Variants in TPRG1 observed in about 807,000 individuals in gnomAD.
TPRG1 encodes the protein tumor protein p63-regulated gene 1 protein.
TPRG1 carries 29 observed loss-of-function variants against 29.3 expected under a neutral mutation model. That is an observed-to-expected ratio of 0.99 (90% CI 0.74 to 1.35). The LOEUF is 1.35. TPRG1 is among the 40% of genes most tolerant of loss of function. The pLI is 0.00. For synonymous variants in TPRG1, 130 were observed against 116.8 expected, an observed-to-expected ratio of 1.11 and a Z score of -0.73; for missense variants, 327 against 335.0, an observed-to-expected ratio of 0.98 and a Z score of 0.19.
At chr3:189,061,311 A>C (rs1277120909) in intron 4 of TPRG1, among the ~76,000 whole-genome samples, 1 of 152,234 alleles carries the variant, frequency 6.6e-6, no homozygotes, top group Non-Finnish European at 1.5e-5. Context: ...TTAAAGACTT[A>C]AATGTAAAAC....
intron 1 of TPRG1, among the ~76,000 whole-genome samples, chr3:189,178,036 G>A (rs1293065322): frequency 6.6e-6 from 1 of 152,208 alleles, no homozygotes; most frequent in East Asian, 1.9e-4. Flanking sequence ...CTGAGAGGTG[G>A]AGTTGGATGA....
intron 4 of TPRG1, among the ~76,000 whole-genome samples, chr3:189,280,288 GATATATATAAATGAATGGAATA>G (rs201453855): frequency 0.049 from 4,891 of 98,812 alleles, 289 homozygotes; most frequent in African/African-American, 0.23. Flanking sequence ...TAAATGAATG[GATATATATAAATGAATGGAATA>G]ATATATATAA....
intron 4 of TPRG1, among the ~76,000 whole-genome samples, chr3:189,095,101 A>G (rs1024348707): frequency 6.6e-6 from 1 of 152,186 alleles, no homozygotes; most frequent in African/African-American, 2.4e-5. Context: ...GGGAGATGAC[A>G]GAGAGGTTGT....
chr3:189,246,611 T>C (rs913987393), intron 4 of TPRG1, among the ~76,000 whole-genome samples: 6 of 152,188 alleles, frequency 3.9e-5, no homozygotes. Context: ...AAGATTCATT[T>C]CCCTTTAATG....
chr3:189,053,356 A>G (rs952191977), intron 4 of TPRG1, among the ~76,000 whole-genome samples: 2 of 152,216 alleles, frequency 1.3e-5, no homozygotes, highest in Non-Finnish European at 2.9e-5. Context: ...TTGAGGAAAC[A>G]TAGAAATTGA....
rs193163061 is a variant in TPRG1 at position 189,023,088 on chromosome 3, G to C, written c.-659-662G>C. 6.6e-5 allele frequency among the ~76,000 whole-genome samples: 10 copies of C among 152,330 alleles called. No individual in the cohort carries two copies. The East Asian group carries it at 1.9e-3, about 29-fold the overall frequency. On this transcript the variant is annotated intron_variant, in intron 3 of 10. Transcript: ENST00000433971. ...GCAATACCTCGCCCTGCTTTGGCTCGCGCATGGTGCGCGCACCCACTGACC... is the reference window on the plus strand; with the variant it reads ...GCAATACCTCGCCCTGCTTTGGCTCCCGCATGGTGCGCGCACCCACTGACC...
chr3:189,236,120 G>A (rs1041713167), intron 3 of TPRG1, among the ~76,000 whole-genome samples: 3 of 152,190 alleles, frequency 2.0e-5, no homozygotes, highest in African/African-American at 7.2e-5. Context: ...ACTTGAGATG[G>A]TGGCCCCAAA....
chr3:189,162,387 T>C (rs1421281590), intron 5 of TPRG1, among the ~76,000 whole-genome samples: 1 of 152,162 alleles, frequency 6.6e-6, no homozygotes, highest in East Asian at 1.9e-4. Flanking sequence ...GAATATGATA[T>C]GCACAAAGAA....
At chr3:189,181,221 C>T (rs1022807789) in intron 1 of TPRG1, among the ~76,000 whole-genome samples, 1 of 152,180 alleles carries the variant, frequency 6.6e-6, no homozygotes, top group Non-Finnish European at 1.5e-5. Context: ...CTCTGACATG[C>T]CCTGGAGACA....
intron 4 of TPRG1, among the ~76,000 whole-genome samples, chr3:189,064,987 G>A (rs1308298417): frequency 6.6e-6 from 1 of 152,104 alleles, no homozygotes; most frequent in Non-Finnish European, 1.5e-5. Context: ...TTAGGAGTTT[G>A]AGACCAGCTT....
At chr3:189,107,278 A>G (rs1490318536) in intron 1 of TPRG1, among the ~76,000 whole-genome samples, 1 of 152,148 alleles carries the variant, frequency 6.6e-6, no homozygotes, top group Non-Finnish European at 1.5e-5. Context: ...CAGGCAGCCT[A>G]TATGCAATAT....
At chr3:189,015,172 T>C (rs965689371) in intron 3 of TPRG1, among the ~76,000 whole-genome samples, 1 of 152,208 alleles carries the variant, frequency 6.6e-6, no homozygotes, top group Non-Finnish European at 1.5e-5. Flanking sequence ...ATGTTATTCT[T>C]GCTAAGCTTT....
intron 4 of TPRG1, among the ~76,000 whole-genome samples, chr3:189,086,794 GAT>G (rs1717974753): frequency 6.6e-6 from 1 of 152,164 alleles, no homozygotes; most frequent in Non-Finnish European, 1.5e-5. Context: ...TGCTGAGAAT[GAT>G]AGTTTCCAGC....
At position 189,151,551 on chromosome 3, in the gene TPRG1, G is replaced by A. The variant is rs537004262; in HGVS notation, c.-10+679G>A. 2.0e-5 allele frequency among the ~76,000 whole-genome samples: 3 copies of A among 152,086 alleles called. No individual in the cohort carries two copies. The South Asian group carries it at 6.2e-4, about 32-fold the overall frequency. On this transcript the variant is annotated intron_variant, in intron 5 of 6. Coordinates refer to the TPRG1 transcript ENST00000412373. ...AGAGTTTAACAGCCTCAGTAATTAA[G>A]CACAAAGTAATACCTTACACCAAAG... is the stretch of plus-strand genomic sequence containing the variant.
At chr3:189,021,830 C>A (rs1239659351) in intron 3 of TPRG1, among the ~76,000 whole-genome samples, 2 of 152,142 alleles carry the variant, frequency 1.3e-5, no homozygotes, top group Non-Finnish European at 2.9e-5. Flanking sequence ...AGAGTGTTTT[C>A]CAACTTGGTT....
intron 3 of TPRG1, among the ~76,000 whole-genome samples, chr3:189,227,735 A>C (rs1440154338): frequency 6.6e-6 from 1 of 152,210 alleles, no homozygotes; most frequent in Non-Finnish European, 1.5e-5. Context: ...ATAAATAATA[A>C]ATTAAAAACT....
rs142583302 is a variant in TPRG1 at position 189,302,272 on chromosome 3, G to A, written c.480-8114G>A. ...TACAAAGTCAAAGATCAGTAAAGAC[G>A]TATTGAATGAATGAAGCCTTTTTTG... On this transcript the variant is annotated intron_variant, in intron 4 of 5. Coordinates refer to ENST00000345063, the MANE Select transcript of TPRG1 (RefSeq NM_198485.4). 5.3e-4 allele frequency among the ~76,000 whole-genome samples: 81 copies of A among 152,288 alleles called. 1 individual carries two copies. The highest frequency in any genetic ancestry group is 3.5e-3 in the East Asian group (18 of 5,182).
rs1003036144 is a variant in TPRG1, at chr3:189,019,595, A to G, written c.-659-4155A>G. ...CAGGGATGAAGCCCACTTGATCATG[A>G]TGGATAAGCTTTTTGATGTGCTGCT... On this transcript the variant is annotated intron_variant, in intron 3 of 10. Coordinates refer to the TPRG1 transcript ENST00000433971. Among the ~76,000 whole-genome samples the G allele has an allele frequency of 5.6e-4, 86 of 152,224 alleles. 1 individual carries two copies. Among genetic ancestry groups the G allele is most frequent in the East Asian group, 1.9e-3 (10 of 5,178 alleles).
At chr3:189,197,437 T>G (rs995404890) in intron 1 of TPRG1, among the ~76,000 whole-genome samples, 7 of 152,178 alleles carry the variant, frequency 4.6e-5, no homozygotes, top group African/African-American at 1.7e-4. Flanking sequence ...ACTGGTGACT[T>G]AGTCTTATTT....
Sources: gnomAD v4.1 joint callset for allele counts (sites outside exome capture counted in the v4.1 genomes callset) on GRCh38, gnomAD v4.1.1 for gene constraint, MANE v1.5 for transcripts, NCBI Gene and HGNC (gene_info 2026-07-23, HGNC 2026-07-21) for gene names.